Variants in SYNDIG1 observed in about 807,000 individuals in gnomAD.
SYNDIG1 encodes the protein synapse differentiation inducing 1, also known as synapse differentiation-inducing gene protein 1.
A neutral mutation model predicts 19.4 loss-of-function variants in SYNDIG1; 9 were observed. The ratio of observed to expected loss-of-function variants is 0.46; its 90% CI spans 0.28 to 0.81. The LOEUF is 0.81. SYNDIG1 is among the 30% of genes least tolerant of loss of function. SYNDIG1 has a pLI of 0.12. For synonymous variants in SYNDIG1, 141 were observed against 145.9 expected, an observed-to-expected ratio of 0.97 and a Z score of 0.24; for missense variants, 311 against 343.3, an observed-to-expected ratio of 0.91 and a Z score of 0.74.
At chr20:24,500,782 T>C (rs755832765) in intron 1 of SYNDIG1, among the ~76,000 whole-genome samples, 3 of 152,198 alleles carry the variant, frequency 2.0e-5, no homozygotes, top group Non-Finnish European at 4.4e-5. Context: ...GTGACCTGCC[T>C]GACCAAGGAG....
intron 1 of SYNDIG1, among the ~76,000 whole-genome samples, chr20:24,475,946 C>T (rs568732952): frequency 4.7e-4 from 72 of 151,824 alleles, no homozygotes; most frequent in Non-Finnish European, 8.2e-4. Flanking sequence ...CTGCAACCTC[C>T]GCCTCCCGGG....
intron 3 of SYNDIG1, among the ~76,000 whole-genome samples, chr20:24,610,367 C>G (rs2058826881): frequency 6.6e-6 from 1 of 152,200 alleles, no homozygotes; most frequent in African/African-American, 2.4e-5. Flanking sequence ...ATTCTTCATT[C>G]CAGAGCCACC....
chr20:24,539,987 G>A (rs776488258), intron 1 of SYNDIG1, among the ~76,000 whole-genome samples: 27 of 151,984 alleles, frequency 1.8e-4, no homozygotes, highest in Non-Finnish European at 3.7e-4. Flanking sequence ...CCATGATGTT[G>A]GCCAGGCTGG....
At chr20:24,546,576 G>A (rs534683873) in intron 2 of SYNDIG1, among the ~76,000 whole-genome samples, 32 of 152,344 alleles carry the variant, frequency 2.1e-4, no homozygotes, top group Admixed American at 2.0e-4. Context: ...TCATTTTGCG[G>A]CAGCCAGAGA....
intron 3 of SYNDIG1, among the ~76,000 whole-genome samples, chr20:24,659,995 C>A (rs1044245321): frequency 3.3e-5 from 5 of 152,140 alleles, no homozygotes; most frequent in African/African-American, 9.7e-5. Context: ...TGTTTCCATG[C>A]CAACAGCAGA....
intron 3 of SYNDIG1, among the ~76,000 whole-genome samples, chr20:24,646,807 A>C (rs1324623265): frequency 6.6e-6 from 1 of 152,020 alleles, no homozygotes; most frequent in Non-Finnish European, 1.5e-5. Flanking sequence ...TGTTTAGTAG[A>C]GTGGAGTTTC....
chr20:24,534,659 C>T (rs1259626316), intron 1 of SYNDIG1, among the ~76,000 whole-genome samples: 1 of 152,194 alleles, frequency 6.6e-6, no homozygotes, highest in Non-Finnish European at 1.5e-5. Flanking sequence ...GGCGCTCATT[C>T]AAAAAATTGT....
intron 3 of SYNDIG1, among the ~76,000 whole-genome samples, chr20:24,649,311 T>G (rs1276582931): frequency 1.3e-5 from 2 of 152,208 alleles, no homozygotes; most frequent in Admixed American, 6.5e-5. Context: ...TTTTCTTTGG[T>G]GGTTCCATTG....
At chr20:24,665,222 C>T in intron 3 of SYNDIG1, 124 bp from the exon 4 acceptor site, 1 of 1,204,360 alleles carries the variant, frequency 8.3e-7, no homozygotes, top group Non-Finnish European at 1.2e-6. Flanking sequence ...AGCACAGTTT[C>T]CCCCTCAGCC....
rs76093440 is a variant in SYNDIG1, at chr20:24,507,939, C to T, written c.-78-35081C>T. ...CCAGGAACCTGCGCAGGGAAGCTGC[C>T]TTCCTGCAGGGAAGCACCCTCAGTG... On this transcript the variant is annotated intron_variant, in intron 1 of 3. Coordinates refer to ENST00000376862, the MANE Select transcript of SYNDIG1 (RefSeq NM_024893.3). Among the ~76,000 whole-genome samples the T allele has an allele frequency of 5.7e-3, 869 of 152,254 alleles. 11 individuals are homozygous for T. Among genetic ancestry groups the T allele is most frequent in the African/African-American group, 0.02 (818 of 41,552 alleles).
At chr20:24,607,910 T>C (rs1486143030) in intron 3 of SYNDIG1, among the ~76,000 whole-genome samples, 1 of 152,228 alleles carries the variant, frequency 6.6e-6, no homozygotes, top group Non-Finnish European at 1.5e-5. Flanking sequence ...TGTCCTGCAA[T>C]TTACTTCAAG....
intron 1 of SYNDIG1, among the ~76,000 whole-genome samples, chr20:24,519,651 A>G (rs1345763258): frequency 6.6e-6 from 1 of 152,140 alleles, no homozygotes; most frequent in Non-Finnish European, 1.5e-5. Context: ...GTTCTCTACC[A>G]CGTGCCTTTA....
chr20:24,549,687 T>G (rs1277545788), intron 2 of SYNDIG1, among the ~76,000 whole-genome samples: 1 of 152,208 alleles, frequency 6.6e-6, no homozygotes, highest in Non-Finnish European at 1.5e-5. Context: ...CCCTTTGCCT[T>G]TTCGCAAGGA....
At chr20:24,613,261 G>A (rs780054756) in intron 3 of SYNDIG1, among the ~76,000 whole-genome samples, 3 of 152,206 alleles carry the variant, frequency 2.0e-5, no homozygotes, top group Non-Finnish European at 4.4e-5. Context: ...AGATAAGACA[G>A]GATGTGGTGA....
chr20:24,542,381 T>C (rs1568625321), intron 1 of SYNDIG1, among the ~76,000 whole-genome samples: 1 of 152,214 alleles, frequency 6.6e-6, no homozygotes, highest in African/African-American at 2.4e-5. Context: ...GATTCTGATT[T>C]AGTAGGTGCA....
chr20:24,616,431 AT>A (rs912459323), intron 3 of SYNDIG1, among the ~76,000 whole-genome samples: 20 of 152,138 alleles, frequency 1.3e-4, no homozygotes, highest in Admixed American at 3.3e-4. Flanking sequence ...GCCTTTGGGG[AT>A]TTTAATTTGA....
intron 1 of SYNDIG1, among the ~76,000 whole-genome samples, chr20:24,497,494 C>T (rs552356455): frequency 6.6e-6 from 1 of 152,336 alleles, no homozygotes; most frequent in Admixed American, 6.5e-5. Context: ...AGCCACTGTG[C>T]CTGGCCTCGG....
At chr20:24,521,224 C>T (rs75612558) in intron 1 of SYNDIG1, among the ~76,000 whole-genome samples, 1,839 of 152,294 alleles carry the variant, frequency 0.012, 40 homozygotes, top group African/African-American at 0.042. Flanking sequence ...TGTCAATGGG[C>T]GTTTTCATTG....
chr20:24,576,627 G>T (rs923789257), intron 2 of SYNDIG1, among the ~76,000 whole-genome samples: 1 of 152,166 alleles, frequency 6.6e-6, no homozygotes, highest in Non-Finnish European at 1.5e-5. Context: ...GCGCTGACGG[G>T]AAGGGAGTCA....
Sources: gnomAD v4.1 joint callset for allele counts (sites outside exome capture counted in the v4.1 genomes callset) on GRCh38, gnomAD v4.1.1 for gene constraint, MANE v1.5 for transcripts, NCBI Gene and HGNC (gene_info 2026-07-23, HGNC 2026-07-21) for gene names.